PLEKHA6: variants seen among roughly 807,000 people sequenced by gnomAD.
PLEKHA6 encodes pleckstrin homology domain-containing family A member 6.
Under a neutral mutation model 116.7 loss-of-function variants are expected in PLEKHA6, and 60 were observed. That is an observed-to-expected ratio of 0.51 (90% CI 0.42 to 0.64). The LOEUF (loss-of-function observed/expected upper bound fraction) is 0.64, where lower values mean the gene tolerates loss of function less well. Ranked by LOEUF, PLEKHA6 falls within the 30% of genes least tolerant of loss-of-function variation. The probability of loss-of-function intolerance (pLI) is 0.00; values close to 1 mark genes in which losing one functional copy is unlikely to be tolerated. For missense variants in PLEKHA6, 1,338 were observed against 1,422.7 expected (o/e 0.94, Z 0.96); for synonymous variants, 489 against 556.1 (o/e 0.88, Z 1.70).
intron 1 of PLEKHA6, among the ~76,000 whole-genome samples, chr1:204,289,242 G>A (rs1000135433): frequency 2.6e-5 from 4 of 152,158 alleles, no homozygotes; most frequent in African/African-American, 9.7e-5. Flanking sequence ...GTGCCTTTAA[G>A]TACAGCCCAG....
chr1:204,262,722 T>C (rs1208636924), intron 6 of PLEKHA6, among the ~76,000 whole-genome samples: 2 of 152,134 alleles, frequency 1.3e-5, no homozygotes, highest in Admixed American at 1.3e-4. Flanking sequence ...ATTTTCTTTC[T>C]GACAGGAGCC....
chr1:204,226,263 GTT>G (rs1273305450), intron 21 of PLEKHA6, among the ~76,000 whole-genome samples: 2 of 152,360 alleles, frequency 1.3e-5, no homozygotes, highest in African/African-American at 4.8e-5. Context: ...AATAGTTGGG[GTT>G]TTGGCAAAAG....
In PLEKHA6 at chr1:204,373,234, A is replaced by C. The variant is rs577972577; in HGVS notation, c.84-1628T>G. ...CACCCAAGTAGCTAGAGTTACAGGC[A>C]TGCAACACCACGCCTGGCTAATTTT... On this transcript the variant is annotated intron_variant, in intron 1 of 4. Coordinates refer to the PLEKHA6 transcript ENST00000564627. Among the ~76,000 whole-genome samples, 51 of 152,182 alleles carry C rather than the reference A, an allele frequency of 3.4e-4. No individual in the cohort carries two copies. In the Middle Eastern group the frequency reaches 0.01, roughly 30 times the overall value.
At chr1:204,250,785 TG>T (rs1664447341) in intron 9 of PLEKHA6, among the ~76,000 whole-genome samples, 171 bp from the exon 10 acceptor site, 1 of 152,180 alleles carries the variant, frequency 6.6e-6, no homozygotes. Flanking sequence ...GCTGGAAGCC[TG>T]GGATGGCCCG....
intron 1 of PLEKHA6, among the ~76,000 whole-genome samples, chr1:204,302,876 C>CAAAGAAAAAGAA (rs148042120): frequency 0.02 from 2,909 of 148,428 alleles, 92 homozygotes; most frequent in Admixed American, 0.076. Context: ...AACTCCATCT[C>CAAAGAAAAAGAA]AAAGAAAAAG....
At chr1:204,344,034 A>G (rs1238033979) in intron 1 of PLEKHA6, among the ~76,000 whole-genome samples, 2 of 152,146 alleles carry the variant, frequency 1.3e-5, no homozygotes, top group Non-Finnish European at 2.9e-5. Context: ...CGTGCCTATA[A>G]TCCCAGCTAC....
chr1:204,252,344 G>A (rs1036364393), intron 9 of PLEKHA6, among the ~76,000 whole-genome samples: 9 of 151,780 alleles, frequency 5.9e-5, no homozygotes, highest in African/African-American at 2.2e-4. Flanking sequence ...GGGATGGGAT[G>A]AGGAGGAAGA....
chr1:204,284,060 C>T (rs1668918292), intron 1 of PLEKHA6, among the ~76,000 whole-genome samples: 2 of 152,226 alleles, frequency 1.3e-5, no homozygotes. Flanking sequence ...AGGAGCTCAG[C>T]CTCAAATCCC....
chr1:204,318,832 C>T (rs966142117), intron 1 of PLEKHA6, among the ~76,000 whole-genome samples: 18 of 152,164 alleles, frequency 1.2e-4, no homozygotes, highest in African/African-American at 3.6e-4. Context: ...TTTCTGAGCA[C>T]GTCTCGTTTC....
chr1:204,274,174 C>T (rs577374012), intron 2 of PLEKHA6, among the ~76,000 whole-genome samples: 10 of 151,968 alleles, frequency 6.6e-5, no homozygotes, highest in Non-Finnish European at 1.3e-4. Flanking sequence ...CCAAGTGATC[C>T]TCCCACCTTA....
chr1:204,333,692 C>T (rs12047262), intron 1 of PLEKHA6, among the ~76,000 whole-genome samples: 32,569 of 152,086 alleles, frequency 0.21, 3,798 homozygotes, highest in Non-Finnish European at 0.26. Flanking sequence ...TTCAGCAGGC[C>T]AGGCCTCAGC....
chr1:204,253,671 A>T (rs980012153), intron 9 of PLEKHA6, among the ~76,000 whole-genome samples: 39 of 152,086 alleles, frequency 2.6e-4, no homozygotes, highest in East Asian at 1.4e-3. Context: ...ACAAAAAAAA[A>T]TTTTTTAATT....
chr1:204,359,836 C>A lies in PLEKHA6; in HGVS notation c.-237G>T, dbSNP rs969469653. 2.6e-5 allele frequency: 6 copies of A among 232,508 alleles called. No individual in the cohort carries two copies. Among genetic ancestry groups the A allele is most frequent in the African/African-American group, 1.4e-4 (6 of 43,118 alleles). The allele number at this position is 232,508 out of a possible 1,614,324, so 14.4% of individuals were successfully genotyped here. A position where few individuals can be genotyped will look rare whatever the true frequency, so the allele number is the denominator to read the frequency against. On this transcript the variant is annotated 5_prime_UTR_variant, in exon 1 of 23. Coordinates refer to ENST00000272203, the MANE Select transcript of PLEKHA6 (RefSeq NM_014935.5). ...TGCAGAGCGGGGCTCCGGATCTAAT[C>A]TGATCTAATCAGTCATCTCTCCGGC...
intron 1 of PLEKHA6, among the ~76,000 whole-genome samples, chr1:204,376,700 C>CCAT (rs1558207815): frequency 6.6e-6 from 1 of 152,228 alleles, no homozygotes; most frequent in Non-Finnish European, 1.5e-5. Context: ...TTCAATATCT[C>CCAT]TGGACCTCAG....
chr1:204,244,782 G>T, intron 15 of PLEKHA6, 82 bp downstream of exon 15: 1 of 1,106,488 alleles, frequency 9.0e-7, no homozygotes, highest in Non-Finnish European at 1.3e-6. Context: ...GAAGAGATGG[G>T]CACAGAAGTT....
rs1668128195 is a variant in PLEKHA6, at chr1:204,277,399, G to C, written c.-94-2590C>G. On this transcript the variant is annotated intron_variant, in intron 1 of 22. Coordinates refer to ENST00000272203, the MANE Select transcript of PLEKHA6 (RefSeq NM_014935.5). The surrounding 1 kb of genome is among the most constrained non-coding windows in gnomAD (Gnocchi z 4.1). ...TGAAATGGAGAGACAGGCATACACGGAGCAGGTGTAGCACTCCCAGGTAGT... is the reference window on the plus strand; with the variant it reads ...TGAAATGGAGAGACAGGCATACACGCAGCAGGTGTAGCACTCCCAGGTAGT... Among the ~76,000 whole-genome samples, 3 of 152,296 alleles carry C rather than the reference G, an allele frequency of 2.0e-5. No homozygotes were observed. In the South Asian group the frequency reaches 6.2e-4, roughly 32 times the overall value.
chr1:204,312,910 C>T (rs939304073), intron 1 of PLEKHA6, among the ~76,000 whole-genome samples: 20 of 140,362 alleles, frequency 1.4e-4, no homozygotes, highest in Non-Finnish European at 2.9e-4. Context: ...CCTTTCCCTC[C>T]CTTCCTTCCT....
In PLEKHA6 at chr1:204,237,921, T is replaced by C. The variant is rs372765098; in HGVS notation, c.2409+3454A>G. 1.2e-4 allele frequency among the ~76,000 whole-genome samples: 19 copies of C among 152,340 alleles called. No individual in the cohort carries two copies. The South Asian group carries it at 3.5e-3, about 28-fold the overall frequency. On this transcript the variant is annotated intron_variant, in intron 17 of 22. Transcript: ENST00000272203. ...GACAAGACATTTGCATGCCAGAGGATGGGAAATAAATCCGACTAAAATTCA... is the reference window on the plus strand; with the variant it reads ...GACAAGACATTTGCATGCCAGAGGACGGGAAATAAATCCGACTAAAATTCA...
chr1:204,371,507 G>A (rs1226734494), intron 2 of PLEKHA6: 1 of 152,276 alleles, frequency 6.6e-6, no homozygotes, highest in Non-Finnish European at 1.5e-5. Flanking sequence ...AATTGCAAAG[G>A]CAGGGACAGA....
Sources: allele counts gnomAD v4.1 joint callset (sites outside exome capture counted in the v4.1 genomes callset), GRCh38; gene constraint gnomAD v4.1.1; non-coding constraint Gnocchi (gnomAD v3.1); transcripts MANE v1.5; gene names NCBI Gene and HGNC (gene_info 2026-07-23, HGNC 2026-07-21).